The following RASSF3 variants were observed in gnomAD, a reference collection of about 807,000 sequenced individuals.
The protein encoded by RASSF3 is Ras association domain family member 3, also known as ras association domain-containing protein 3.
In RASSF3, 19 loss-of-function variants were observed where a neutral mutation model predicts 19.9. That is an observed-to-expected ratio of 0.96 (90% CI 0.67 to 1.40). The LOEUF (loss-of-function observed/expected upper bound fraction) is 1.40. Among genes scored for constraint, RASSF3 ranks in the 40% most tolerant of loss-of-function variants. The pLI is 0.00. For synonymous variants in RASSF3, 110 were observed against 104.2 expected (o/e 1.06, Z -0.34); for missense variants, 306 against 289.8 (o/e 1.06, Z -0.41).
At chr12:64,681,102 C>T (rs997016757) in intron 1 of RASSF3, among the ~76,000 whole-genome samples, 1 of 152,196 alleles carries the variant, frequency 6.6e-6, no homozygotes, top group Non-Finnish European at 1.5e-5. Context: ...ATAGCATGAG[C>T]AAAACCTGTA....
intron 1 of RASSF3, among the ~76,000 whole-genome samples, chr12:64,634,023 A>G (rs956412434): frequency 3.9e-5 from 6 of 152,062 alleles, no homozygotes; most frequent in African/African-American, 1.2e-4. Flanking sequence ...AGTCCCAGCT[A>G]CTGGGGAGGC....
intron 1 of RASSF3, among the ~76,000 whole-genome samples, chr12:64,668,073 T>A (rs1872581935): frequency 1.3e-5 from 2 of 152,212 alleles, no homozygotes; most frequent in South Asian, 4.1e-4. Context: ...GCTTCTGTGC[T>A]CTTAGCTTTC....
chr12:64,569,967 AAAC>A (rs533387498), intron 2 of RASSF3, among the ~76,000 whole-genome samples: 35 of 152,274 alleles, frequency 2.3e-4, no homozygotes, highest in South Asian at 1.0e-3. Flanking sequence ...CTCTGTCTCA[AAAC>A]AACAACAACA....
rs34515445 is a variant in RASSF3, at chr12:64,600,033, C to CAAA, written c.294+58348_294+58350dup. Among the ~76,000 whole-genome samples, 444 of 63,762 alleles carry CAAA rather than the reference C, an allele frequency of 7.0e-3. 21 individuals carry two copies. Among genetic ancestry groups the CAAA allele is most frequent in the African/African-American group, 0.022 (339 of 15,120 alleles). The allele number at this position is 63,762 out of a possible 152,430, so 41.8% of individuals were successfully genotyped here. A position where few individuals can be genotyped will look rare whatever the true frequency, so the allele number is the denominator to read the frequency against. ...GGCGAGAGAGAGAGAGACTCCATCT[C>CAAA]AAAAAAAAAAAAAAAAAAAAAAGAA... On this transcript the variant is annotated intron_variant, in intron 2 of 5. Coordinates refer to the RASSF3 transcript ENST00000637125.
At chr12:64,569,796 T>C (rs1869488545) in intron 2 of RASSF3, among the ~76,000 whole-genome samples, 1 of 152,148 alleles carries the variant, frequency 6.6e-6, no homozygotes, top group South Asian at 2.1e-4. Flanking sequence ...AGAAACCTTG[T>C]TTCTACTAAA....
intron 1 of RASSF3, among the ~76,000 whole-genome samples, chr12:64,678,046 C>CT (rs1441676733): frequency 1.3e-5 from 2 of 152,194 alleles, no homozygotes; most frequent in African/African-American, 4.8e-5. Context: ...ATGTTTTTCT[C>CT]TTAAGGTCTG....
At chr12:64,631,560 TATG>T (rs1871167922) in intron 1 of RASSF3, among the ~76,000 whole-genome samples, 1 of 151,758 alleles carries the variant, frequency 6.6e-6, no homozygotes, top group East Asian at 1.9e-4. Flanking sequence ...TGTATGTATG[TATG>T]TATGTATGTA....
At chr12:64,621,035 A>G (rs549110761) in intron 1 of RASSF3, among the ~76,000 whole-genome samples, 61 of 152,212 alleles carry the variant, frequency 4.0e-4, no homozygotes, top group African/African-American at 1.4e-3. Flanking sequence ...TCCCAGGTTC[A>G]AGAGATTCTC....
intron 2 of RASSF3, among the ~76,000 whole-genome samples, chr12:64,578,139 C>A (rs1869627964): frequency 6.6e-6 from 1 of 152,048 alleles, no homozygotes; most frequent in Non-Finnish European, 1.5e-5. Flanking sequence ...AGGAGAATAA[C>A]TTGAACCTGG....
downstream of RASSF3, among the ~76,000 whole-genome samples, chr12:64,544,353 A>G (rs144621572): frequency 6.4e-4 from 98 of 152,282 alleles, no homozygotes; most frequent in African/African-American, 2.2e-3. Flanking sequence ...AGAAGGAACA[A>G]ACTTCTAACA....
chr12:64,627,154 TA>T (rs1402648418), intron 1 of RASSF3, among the ~76,000 whole-genome samples: 3 of 152,334 alleles, frequency 2.0e-5, no homozygotes, highest in East Asian at 1.9e-4. Context: ...TAGAGACTAC[TA>T]AAAAATGGTT....
In RASSF3 at chr12:64,613,825, G is replaced by A. The variant is rs569320272; in HGVS notation, c.111+3082G>A. Among the ~76,000 whole-genome samples the A allele has an allele frequency of 2.2e-4, 33 of 152,094 alleles. No homozygotes were observed. In the South Asian group the frequency reaches 6.0e-3, roughly 28 times the overall value. On this transcript the variant is annotated intron_variant, in intron 1 of 4. Coordinates refer to ENST00000542104, the MANE Select transcript of RASSF3 (RefSeq NM_178169.4). ...TAGTCAGGCATGGTGGTGCTCGCCT[G>A]TAGTCCCAGCTACTCGGGAGACTGA...
intron 1 of RASSF3, among the ~76,000 whole-genome samples, chr12:64,508,102 A>G (rs1868302861): frequency 6.6e-6 from 1 of 152,170 alleles, no homozygotes; most frequent in South Asian, 2.1e-4. Flanking sequence ...TTTCACACCC[A>G]TGTAGCTCAG....
At chr12:64,565,883 A>AG (rs1422076387) in intron 2 of RASSF3, among the ~76,000 whole-genome samples, 7 of 90,212 alleles carry the variant, frequency 7.8e-5, no homozygotes, top group Non-Finnish European at 1.9e-4. Context: ...ACTTCGTCTC[A>AG]GAAAAAAAAA....
chr12:64,523,556 C>T (rs1003266068), intron 1 of RASSF3, among the ~76,000 whole-genome samples: 14 of 152,184 alleles, frequency 9.2e-5, no homozygotes, highest in Non-Finnish European at 1.2e-4. Flanking sequence ...TGAAGACCAG[C>T]TCCCGAATTT....
chr12:64,633,487 C>T (rs991131683), intron 1 of RASSF3, among the ~76,000 whole-genome samples: 8 of 152,148 alleles, frequency 5.3e-5, no homozygotes, highest in Non-Finnish European at 8.8e-5. Flanking sequence ...GCCATGTGAC[C>T]ACCTGCTTCC....
chr12:64,693,388 G>A (rs781258873), intron 4 of RASSF3, among the ~76,000 whole-genome samples: 58 of 151,278 alleles, frequency 3.8e-4, no homozygotes, highest in Non-Finnish European at 1.3e-4. Flanking sequence ...GACATTCACT[G>A]CTTCTATTTT....
intron 1 of RASSF3, among the ~76,000 whole-genome samples, chr12:64,539,980 T>C (rs949185830): frequency 6.6e-6 from 1 of 152,220 alleles, no homozygotes; most frequent in Non-Finnish European, 1.5e-5. Context: ...CCATCACTCA[T>C]AGCCCATAGA....
intron 1 of RASSF3, among the ~76,000 whole-genome samples, chr12:64,510,420 ACT>A (rs1430750240): frequency 1.3e-5 from 2 of 152,108 alleles, no homozygotes; most frequent in Admixed American, 6.6e-5. Flanking sequence ...TTAGGATTAA[ACT>A]CTCTGTCACT....
Sources: allele counts gnomAD v4.1 joint callset (sites outside exome capture counted in the v4.1 genomes callset), GRCh38; gene constraint gnomAD v4.1.1; transcripts MANE v1.5; gene names NCBI Gene and HGNC (gene_info 2026-07-23, HGNC 2026-07-21).